MAGI2: variants seen among roughly 807,000 people sequenced by gnomAD.
The protein encoded by MAGI2 is membrane associated guanylate kinase, WW and PDZ domain containing 2.
A neutral mutation model predicts 133.3 loss-of-function variants in MAGI2; 35 were observed. That is an observed-to-expected ratio of 0.26 (90% CI 0.20 to 0.35). The LOEUF is 0.35. MAGI2 is among the 10% of genes least tolerant of loss of function. The pLI is 1.00. For synonymous variants in MAGI2, 729 were observed against 710.6 expected, an observed-to-expected ratio of 1.03 and a Z score of -0.41; for missense variants, 1,636 against 1,863.4, an observed-to-expected ratio of 0.88 and a Z score of 2.25.
At chr7:79,387,094 T>TTGTGTGTGTGTGTGTGTG (rs3050633) in intron 1 of MAGI2, among the ~76,000 whole-genome samples, 4,089 of 141,524 alleles carry the variant, frequency 0.029, 95 homozygotes, top group Non-Finnish European at 0.034. Flanking sequence ...ATTTTTATGC[T>TTGTGTGTGTGTGTGTGTG]TGTGTGTGTG....
chr7:79,212,631 C>A (rs1418342931), intron 1 of MAGI2, among the ~76,000 whole-genome samples: 1 of 152,060 alleles, frequency 6.6e-6, no homozygotes, highest in Non-Finnish European at 1.5e-5. Context: ...TTCTTCGTGT[C>A]TCTTCTTACA....
At chr7:78,445,387 T>C (rs1276260645) in intron 6 of MAGI2, among the ~76,000 whole-genome samples, 1 of 152,102 alleles carries the variant, frequency 6.6e-6, no homozygotes, top group Non-Finnish European at 1.5e-5. Flanking sequence ...TACTGATCCA[T>C]CTTTTGGCTG....
At chr7:79,171,902 AT>A (rs749845700) in intron 1 of MAGI2, among the ~76,000 whole-genome samples, 2 of 150,766 alleles carry the variant, frequency 1.3e-5, no homozygotes, top group East Asian at 4.0e-4. Flanking sequence ...GTCATTTGAG[AT>A]GGTTCACATG....
At chr7:78,978,899 T>C (rs761895224) in intron 2 of MAGI2, among the ~76,000 whole-genome samples, 2 of 151,764 alleles carry the variant, frequency 1.3e-5, no homozygotes, top group Non-Finnish European at 2.9e-5. Context: ...GAAACCACTA[T>C]ACACATATAC....
intron 7 of MAGI2, among the ~76,000 whole-genome samples, chr7:78,346,701 T>A (rs1014464410): frequency 2.0e-5 from 3 of 152,192 alleles, no homozygotes; most frequent in African/African-American, 7.2e-5. Flanking sequence ...TGAGAGCTTA[T>A]AGTCCAAGCA....
At chr7:78,175,018 T>C (rs529518188) in intron 14 of MAGI2, among the ~76,000 whole-genome samples, 2 of 152,364 alleles carry the variant, frequency 1.3e-5, no homozygotes, top group South Asian at 2.1e-4. Flanking sequence ...GACTTTATCC[T>C]GTGCATCTCT....
chr7:78,964,010 T>G (rs935275149), intron 2 of MAGI2, among the ~76,000 whole-genome samples: 7 of 152,010 alleles, frequency 4.6e-5, no homozygotes, highest in Non-Finnish European at 1.0e-4. Flanking sequence ...AGGCCCAGCC[T>G]CCAAAATCCT....
At chr7:78,924,590 A>C (rs538622149) in intron 2 of MAGI2, among the ~76,000 whole-genome samples, 8 of 152,132 alleles carry the variant, frequency 5.3e-5, no homozygotes, top group Non-Finnish European at 1.2e-4. Flanking sequence ...TGCTGGATTC[A>C]GTTTGTCAGT....
intron 6 of MAGI2, among the ~76,000 whole-genome samples, chr7:78,391,431 T>C (rs1282426662): frequency 2.6e-5 from 4 of 152,224 alleles, no homozygotes; most frequent in Non-Finnish European, 2.9e-5. Context: ...TTTGGAAGCC[T>C]ATTTCATTTT....
At chr7:78,260,725 G>GT (rs1437655370) in intron 9 of MAGI2, among the ~76,000 whole-genome samples, 2 of 152,224 alleles carry the variant, frequency 1.3e-5, no homozygotes, top group South Asian at 2.1e-4. Flanking sequence ...CAGATTGAGT[G>GT]TGAGTGATGA....
At chr7:78,766,233 G>A (rs1222891398) in intron 2 of MAGI2, among the ~76,000 whole-genome samples, 2 of 152,210 alleles carry the variant, frequency 1.3e-5, no homozygotes, top group Non-Finnish European at 2.9e-5. Flanking sequence ...AAATCTTTGA[G>A]TGGCTTCCAG....
chr7:78,479,850 T>C (rs1792175316), intron 6 of MAGI2, among the ~76,000 whole-genome samples: 1 of 151,864 alleles, frequency 6.6e-6, no homozygotes. Flanking sequence ...TAAAATTGCT[T>C]TAACAAGCAA....
chr7:79,083,208 G>A (rs1816199691), intron 1 of MAGI2, among the ~76,000 whole-genome samples: 1 of 150,904 alleles, frequency 6.6e-6, no homozygotes, highest in Non-Finnish European at 1.5e-5. Context: ...GGGCTCTCCA[G>A]TATAATGTAA....
At chr7:78,908,719 T>A (rs574888678) in intron 2 of MAGI2, among the ~76,000 whole-genome samples, 1 of 152,344 alleles carries the variant, frequency 6.6e-6, no homozygotes, top group South Asian at 2.1e-4. Flanking sequence ...TCATGTGAAC[T>A]TTAGAGCAAC....
chr7:78,539,687 A>G (rs1333253519), intron 3 of MAGI2, among the ~76,000 whole-genome samples: 1 of 152,136 alleles, frequency 6.6e-6, no homozygotes, highest in Non-Finnish European at 1.5e-5. Flanking sequence ...GGGTCTAGCC[A>G]CCCAGTGGTA....
intron 1 of MAGI2, among the ~76,000 whole-genome samples, chr7:79,048,714 C>T (rs1416970878): frequency 6.6e-6 from 1 of 152,154 alleles, no homozygotes; most frequent in African/African-American, 2.4e-5. Context: ...TGGCTCATGC[C>T]TGTAATCCCA....
At chr7:78,279,445 A>G (rs532212953) in intron 9 of MAGI2, among the ~76,000 whole-genome samples, 262 of 73,470 alleles carry the variant, frequency 3.6e-3, no homozygotes, top group African/African-American at 0.021. Context: ...GTGCTGTTTT[A>G]GACACAATTA....
Position 78,838,273 on chromosome 7 carries a change from G to A in MAGI2, c.418+168817C>T, listed in dbSNP as rs115376054. On this transcript the variant is annotated intron_variant, in intron 2 of 21. Coordinates refer to ENST00000354212, the MANE Select transcript of MAGI2 (RefSeq NM_012301.4). The stretch of plus-strand genomic sequence containing the variant: ...ATCCTAAAAGACAGATATAAATCTT[G>A]AAAACTTGAACACGGCATGTATTTG... 2.1e-3 allele frequency among the ~76,000 whole-genome samples: 318 copies of A among 151,986 alleles called. 3 individuals are homozygous for A. The highest frequency in any genetic ancestry group is 7.4e-3 in the African/African-American group (305 of 41,468).
chr7:78,506,293 T>TG (rs1795079280), intron 4 of MAGI2, among the ~76,000 whole-genome samples: 1 of 151,948 alleles, frequency 6.6e-6, no homozygotes, highest in African/African-American at 2.4e-5. Context: ...TAGGATTCTG[T>TG]GGGGTAGGGG....
Sources: gnomAD v4.1 joint callset for allele counts (sites outside exome capture counted in the v4.1 genomes callset) on GRCh38, gnomAD v4.1.1 for gene constraint, MANE v1.5 for transcripts, NCBI Gene and HGNC (gene_info 2026-07-23, HGNC 2026-07-21) for gene names.